Variants in CDH13 observed in about 807,000 individuals in gnomAD.
CDH13 encodes cadherin 13, also known as cadherin-13.
A neutral mutation model predicts 63.8 loss-of-function variants in CDH13; 24 were observed. That is an observed-to-expected ratio of 0.38 (90% confidence interval 0.27 to 0.53). The LOEUF is 0.53. CDH13 is among the 20% of genes least tolerant of loss of function. The pLI is 0.85. For missense variants in CDH13, 1,049 were observed against 903.1 expected (o/e 1.16, Z -2.07); for synonymous variants, 503 against 355.3 (o/e 1.42, Z -4.67).
At chr16:83,393,491 A>C (rs1263175454) in intron 6 of CDH13, among the ~76,000 whole-genome samples, 12 of 152,194 alleles carry the variant, frequency 7.9e-5, no homozygotes, top group Admixed American at 7.9e-4. Context: ...ACTCAGAAAC[A>C]AAGTTCATCT....
At chr16:82,688,236 G>A (rs1234116344) in intron 1 of CDH13, among the ~76,000 whole-genome samples, 2 of 152,186 alleles carry the variant, frequency 1.3e-5, no homozygotes, top group African/African-American at 2.4e-5. Context: ...TCCAGGCTGT[G>A]TCTCGAATGC....
chr16:83,047,868 T>C lies in CDH13; in HGVS notation c.366+15650T>C, dbSNP rs532553132. ...ACTCTATAATATAGGTCCTATTTTATCTTCATTTTACAGGTGAATAAAGGA... is the reference window on the plus strand; with the variant it reads ...ACTCTATAATATAGGTCCTATTTTACCTTCATTTTACAGGTGAATAAAGGA... On this transcript the variant is annotated intron_variant, in intron 3 of 13. Transcript: ENST00000567109. The surrounding 1 kb of genome is among the most constrained non-coding windows in gnomAD (Gnocchi z 4.9). Among the ~76,000 whole-genome samples, 124 of 152,326 alleles carry C rather than the reference T, an allele frequency of 8.1e-4. 1 individual carries two copies. The highest frequency in any genetic ancestry group is 3.3e-3 in the South Asian group (16 of 4,826).
chr16:83,772,747 A>T (rs1290515530), intron 11 of CDH13: 1 of 152,254 alleles, frequency 6.6e-6, no homozygotes, highest in African/African-American at 2.4e-5. Flanking sequence ...CCTTTCATGG[A>T]TACACCACCC....
intron 6 of CDH13, 103 bp downstream of exon 6, chr16:83,345,109 C>G: frequency 7.5e-7 from 1 of 1,325,750 alleles, no homozygotes; most frequent in East Asian, 2.3e-5. Flanking sequence ...AACTTGTCAG[C>G]TCGTATCAGC....
chr16:83,718,547 T>C (rs75249284), intron 10 of CDH13, among the ~76,000 whole-genome samples: 1,554 of 152,288 alleles, frequency 0.01, 32 homozygotes, highest in African/African-American at 0.036. Flanking sequence ...TGGAGATTTC[T>C]CATAACTGAG....
At chr16:83,453,563 G>T (rs1469342430) in intron 6 of CDH13, among the ~76,000 whole-genome samples, 1 of 152,096 alleles carries the variant, frequency 6.6e-6, no homozygotes, top group African/African-American at 2.4e-5. Context: ...CAATGTTGAT[G>T]GGTGTCCTAC....
intron 1 of CDH13, among the ~76,000 whole-genome samples, chr16:82,797,157 C>G (rs148716321): frequency 6.6e-6 from 1 of 152,144 alleles, no homozygotes; most frequent in East Asian, 1.9e-4. Context: ...AATAGTTTTT[C>G]CTATACGTCA....
chr16:82,817,868 C>T (rs2151193592), intron 1 of CDH13, among the ~76,000 whole-genome samples: 1 of 152,256 alleles, frequency 6.6e-6, no homozygotes, highest in Non-Finnish European at 1.5e-5. Context: ...CATGAATATA[C>T]CTATACATAT....
chr16:83,309,808 GA>G (rs2089961427), intron 5 of CDH13, among the ~76,000 whole-genome samples: 1 of 150,792 alleles, frequency 6.6e-6, no homozygotes, highest in Non-Finnish European at 1.5e-5. Context: ...ACTCCCATGG[GA>G]TTTTTTTTTT....
intron 1 of CDH13, among the ~76,000 whole-genome samples, chr16:82,642,892 C>T (rs1048751778): frequency 6.6e-6 from 1 of 152,104 alleles, no homozygotes; most frequent in Non-Finnish European, 1.5e-5. Flanking sequence ...AGTAAAAGAA[C>T]CTAATAAAGC....
intron 1 of CDH13, among the ~76,000 whole-genome samples, chr16:82,694,479 T>C (rs1156266629): frequency 6.6e-6 from 1 of 152,206 alleles, no homozygotes; most frequent in African/African-American, 2.4e-5. Flanking sequence ...CTTGCAGGCA[T>C]GAGAAGGAGG....
chr16:83,528,250 C>A (rs1203719008), intron 7 of CDH13, among the ~76,000 whole-genome samples: 1 of 152,240 alleles, frequency 6.6e-6, no homozygotes. Flanking sequence ...AACACTATAA[C>A]TGGCTATTTG....
Position 82,854,951 on chromosome 16 carries a change from G to C in CDH13, c.46-3411G>C, listed in dbSNP as rs1280811734. Reference sequence around the variant, plus strand: ...GTAGCAAAGTCCTCACTGAATCCCAGGAGTCTAATAGGTATTTGTGAATGA... The same window carrying C: ...GTAGCAAAGTCCTCACTGAATCCCACGAGTCTAATAGGTATTTGTGAATGA... On this transcript the variant is annotated intron_variant, in intron 1 of 13. Transcript: ENST00000567109. Among the ~76,000 whole-genome samples, 4 of 152,038 alleles carry C rather than the reference G, an allele frequency of 2.6e-5. No homozygotes were observed. In the East Asian group the frequency reaches 7.7e-4, roughly 29 times the overall value.
chr16:83,483,372 A>G (rs574831622), intron 6 of CDH13, among the ~76,000 whole-genome samples: 1 of 152,206 alleles, frequency 6.6e-6, no homozygotes, highest in African/African-American at 2.4e-5. Context: ...TTCCAGGATA[A>G]TTTTGTGTTA....
intron 5 of CDH13, among the ~76,000 whole-genome samples, chr16:83,302,752 G>T (rs1002832818): frequency 1.3e-5 from 2 of 152,196 alleles, no homozygotes; most frequent in Admixed American, 6.5e-5. Flanking sequence ...ACGCCAAGGA[G>T]GCAAGGAGGG....
At chr16:83,650,465 G>T (rs977939641) in intron 8 of CDH13, among the ~76,000 whole-genome samples, 2 of 152,190 alleles carry the variant, frequency 1.3e-5, no homozygotes, top group African/African-American at 4.8e-5. Context: ...GGGAGCTTGT[G>T]GGCTGCCGTA....
intron 10 of CDH13, among the ~76,000 whole-genome samples, chr16:83,731,562 C>G (rs923384480): frequency 2.0e-5 from 3 of 152,164 alleles, no homozygotes; most frequent in Admixed American, 6.5e-5. Context: ...GGATATTAGA[C>G]CTTTGTTGGA....
At chr16:83,486,695 G>C (rs775935499) in intron 7 of CDH13, 40 bp downstream of exon 7, 9 of 1,591,580 alleles carry the variant, frequency 5.7e-6, no homozygotes, top group African/African-American at 1.3e-5. Flanking sequence ...CACGAGAATA[G>C]AATGTGGCTT....
chr16:82,741,857 T>A (rs1034393164), intron 1 of CDH13, among the ~76,000 whole-genome samples: 10 of 152,306 alleles, frequency 6.6e-5, no homozygotes, highest in Admixed American at 6.5e-4. Context: ...ACTGACAACT[T>A]TCAGGGATTT....
Sources: allele counts gnomAD v4.1 joint callset (sites outside exome capture counted in the v4.1 genomes callset), GRCh38; gene constraint gnomAD v4.1.1; non-coding constraint Gnocchi (gnomAD v3.1); transcripts MANE v1.5; gene names NCBI Gene and HGNC (gene_info 2026-07-23, HGNC 2026-07-21).